SLC8A1: variants seen among roughly 807,000 people sequenced by gnomAD.
The protein encoded by SLC8A1 is solute carrier family 8 member A1, also known as sodium/calcium exchanger 1.
In SLC8A1, 18 loss-of-function variants were observed where a neutral mutation model predicts 68.3. The observed-to-expected ratio is 0.26, with a 90% CI of 0.18 to 0.39. SLC8A1 has a LOEUF of 0.39. Ranked by LOEUF, SLC8A1 falls within the 10% of genes least tolerant of loss-of-function variation. The pLI, the probability that SLC8A1 is intolerant of heterozygous loss-of-function variation, is 1.00. For synonymous variants in SLC8A1, 475 were observed against 415.5 expected (o/e 1.14, Z -1.74); for missense variants, 985 against 1,156.7 (o/e 0.85, Z 2.15).
chr2:40,239,698 A>C (rs1198117137), intron 2 of SLC8A1, among the ~76,000 whole-genome samples: 1 of 152,190 alleles, frequency 6.6e-6, no homozygotes, highest in Non-Finnish European at 1.5e-5. Context: ...AAAAACAAAA[A>C]CAAAAAAACT....
exon 8 of SLC8A1, chr2:40,114,256 G>A (rs2034951956): frequency 6.5e-6 from 1 of 152,806 alleles, no homozygotes; most frequent in African/African-American, 2.4e-5. Flanking sequence ...GATTGTGCAA[G>A]CCATGGATGC....
At chr2:40,425,375 T>A (rs866113342) in intron 2 of SLC8A1, among the ~76,000 whole-genome samples, 6 of 151,884 alleles carry the variant, frequency 4.0e-5, no homozygotes, top group South Asian at 2.1e-4. Flanking sequence ...TCTATCTTGT[T>A]TTTGGAATCC....
At chr2:40,378,890 A>G (rs1184266017) in intron 2 of SLC8A1, among the ~76,000 whole-genome samples, 1 of 152,094 alleles carries the variant, frequency 6.6e-6, no homozygotes, top group Non-Finnish European at 1.5e-5. Context: ...ATTCTAAAGT[A>G]GCAGTATCAA....
In SLC8A1 at chr2:40,242,739, A is replaced by G. The variant is rs116312749; in HGVS notation, c.1809-64884T>C. Among the ~76,000 whole-genome samples the G allele has an allele frequency of 5.8e-3, 889 of 152,356 alleles. 6 individuals are homozygous for G. The highest frequency in any genetic ancestry group is 0.02 in the African/African-American group (837 of 41,580). ...ATGGTATCTATAATTACAAGAAACA[A>G]CAAGAAACCAAAGAGGAATACAAAT... On this transcript the variant is annotated intron_variant, in intron 2 of 7. Coordinates refer to ENST00000406785, the Ensembl canonical transcript of SLC8A1.
rs985661759 is a variant in SLC8A1, at chr2:40,375,992, C to T, written c.1808+52481G>A. ...CTCCAGCTTGGGTGACAGAGCAAGA[C>T]CCTGTCTCAAAATAAATAAATAAAT... On this transcript the variant is annotated intron_variant, in intron 2 of 7. Coordinates refer to ENST00000406785, the Ensembl canonical transcript of SLC8A1. Among the ~76,000 whole-genome samples, 5 of 152,028 alleles carry T rather than the reference C, an allele frequency of 3.3e-5. No individual in the cohort carries two copies. The East Asian group carries it at 9.7e-4, about 30-fold the overall frequency.
chr2:40,356,299 A>G (rs555535896), intron 2 of SLC8A1, among the ~76,000 whole-genome samples: 48 of 152,338 alleles, frequency 3.2e-4, no homozygotes, highest in African/African-American at 1.1e-3. Context: ...TGACTGCCAC[A>G]TAGGAAGTAC....
intron 7 of SLC8A1, among the ~76,000 whole-genome samples, chr2:40,120,319 C>G (rs1288595185): frequency 6.6e-6 from 1 of 152,146 alleles, no homozygotes; most frequent in Admixed American, 6.5e-5. Flanking sequence ...GCTTGCTTCT[C>G]CCAGCAACCA....
intron 2 of SLC8A1, among the ~76,000 whole-genome samples, chr2:40,211,085 A>G (rs921298346): frequency 1.3e-5 from 2 of 152,180 alleles, no homozygotes; most frequent in African/African-American, 4.8e-5. Flanking sequence ...TGTCAAGTTC[A>G]GTGATAAAAT....
chr2:40,236,904 T>C (rs939988720), intron 2 of SLC8A1, among the ~76,000 whole-genome samples: 2 of 152,184 alleles, frequency 1.3e-5, no homozygotes, highest in East Asian at 3.9e-4. Flanking sequence ...AAAATTCTTT[T>C]CTTTAAGAAT....
intron 2 of SLC8A1, among the ~76,000 whole-genome samples, chr2:40,263,998 T>C (rs535717077): frequency 2.2e-4 from 34 of 151,964 alleles, no homozygotes; most frequent in African/African-American, 8.0e-4. Context: ...CAAACAAATT[T>C]ACAAGAAAAA....
intron 2 of SLC8A1, among the ~76,000 whole-genome samples, chr2:40,340,399 A>T (rs1667321677): frequency 6.6e-6 from 1 of 152,106 alleles, no homozygotes; most frequent in Non-Finnish European, 1.5e-5. Flanking sequence ...CATCCCTACT[A>T]AAAATACAAA....
intron 4 of SLC8A1, among the ~76,000 whole-genome samples, chr2:40,169,812 A>C (rs112979313): frequency 6.6e-6 from 1 of 152,252 alleles, no homozygotes; most frequent in Non-Finnish European, 1.5e-5. Flanking sequence ...ATGGTGGTAC[A>C]CACCTATAGT....
intron 1 of SLC8A1, among the ~76,000 whole-genome samples, chr2:40,504,726 A>C (rs747003546): frequency 1.3e-5 from 2 of 152,028 alleles, no homozygotes; most frequent in Non-Finnish European, 2.9e-5. Context: ...AACACCACTG[A>C]TCATCAGAGA....
chr2:40,201,827 C>T (rs2054425598), intron 2 of SLC8A1, among the ~76,000 whole-genome samples: 2 of 151,918 alleles, frequency 1.3e-5, no homozygotes, highest in Admixed American at 1.3e-4. Context: ...GGGAAAGCAG[C>T]AATGATAAGG....
chr2:40,189,540 C>T (rs532408605), intron 2 of SLC8A1, among the ~76,000 whole-genome samples: 9 of 152,120 alleles, frequency 5.9e-5, no homozygotes, highest in South Asian at 2.1e-4. Context: ...AGGCTGGTCT[C>T]GAACTCAGGT....
intron 2 of SLC8A1, among the ~76,000 whole-genome samples, chr2:40,242,219 T>C (rs1453021227): frequency 6.6e-6 from 1 of 152,154 alleles, no homozygotes; most frequent in Non-Finnish European, 1.5e-5. Context: ...ATGTGTCCAT[T>C]AGAATTTTAC....
chr2:40,489,381 G>A (rs1705175509), intron 1 of SLC8A1, among the ~76,000 whole-genome samples: 1 of 151,984 alleles, frequency 6.6e-6, no homozygotes, highest in Non-Finnish European at 1.5e-5. Context: ...TATAGACGAG[G>A]TACAATATCA....
intron 6 of SLC8A1, among the ~76,000 whole-genome samples, chr2:40,143,798 T>C (rs1401236252): frequency 6.6e-6 from 1 of 152,174 alleles, no homozygotes; most frequent in Non-Finnish European, 1.5e-5. Context: ...CAGGTGTTTC[T>C]TTACGTGTCT....
intron 2 of SLC8A1, among the ~76,000 whole-genome samples, chr2:40,201,099 A>G (rs904562435): frequency 3.3e-5 from 5 of 150,840 alleles, no homozygotes; most frequent in African/African-American, 1.2e-4. Flanking sequence ...TTGAACGGAG[A>G]CCCCCACTCC....
Sources: gnomAD v4.1 joint callset for allele counts (sites outside exome capture counted in the v4.1 genomes callset) on GRCh38, gnomAD v4.1.1 for gene constraint, MANE v1.5 for transcripts, NCBI Gene and HGNC (gene_info 2026-07-23, HGNC 2026-07-21) for gene names.